GALNTL6: variants seen among roughly 807,000 people sequenced by gnomAD.
GALNTL6 encodes the protein polypeptide N-acetylgalactosaminyltransferase like 6, also known as polypeptide N-acetylgalactosaminyltransferase-like 6.
A neutral mutation model predicts 73.7 loss-of-function variants in GALNTL6; 46 were observed. The observed-to-expected ratio is 0.62, with a 90% CI of 0.49 to 0.80. The LOEUF (loss-of-function observed/expected upper bound fraction) is 0.80, where lower values mean the gene tolerates loss of function less well. GALNTL6 is among the 30% of genes least tolerant of loss of function. GALNTL6 has a pLI of 0.00. For synonymous variants in GALNTL6, 259 were observed against 263.7 expected, an observed-to-expected ratio of 0.98 and a Z score of 0.17; for missense variants, 604 against 755.0, an observed-to-expected ratio of 0.80 and a Z score of 2.34.
At chr4:172,417,572 C>G (rs1730890421) in intron 5 of GALNTL6, among the ~76,000 whole-genome samples, 2 of 151,994 alleles carry the variant, frequency 1.3e-5, no homozygotes, top group Admixed American at 1.3e-4. Flanking sequence ...TTGCTTGAAC[C>G]CAGGAGACAG....
chr4:172,717,372 G>A (rs760928010), intron 5 of GALNTL6, among the ~76,000 whole-genome samples: 1 of 152,108 alleles, frequency 6.6e-6, no homozygotes, highest in Admixed American at 6.6e-5. Flanking sequence ...TTTATTAAAC[G>A]GGACCAAAAG....
At chr4:172,291,314 A>C (rs1739463424) in intron 3 of GALNTL6, among the ~76,000 whole-genome samples, 1 of 152,114 alleles carries the variant, frequency 6.6e-6, no homozygotes, top group African/African-American at 2.4e-5. Flanking sequence ...GGGGATTAAA[A>C]TAAGTGGCAA....
chr4:172,154,700 G>A (rs573715220), intron 2 of GALNTL6, among the ~76,000 whole-genome samples: 98 of 152,224 alleles, frequency 6.4e-4, no homozygotes, highest in African/African-American at 2.3e-3. Context: ...GGCATACTTC[G>A]GTAATACCAA....
intron 2 of GALNTL6, among the ~76,000 whole-genome samples, chr4:171,835,589 CTTT>C (rs1484716052): frequency 6.6e-6 from 1 of 151,894 alleles, no homozygotes; most frequent in South Asian, 2.1e-4. Flanking sequence ...CATTATATTG[CTTT>C]TTTATTATTT....
rs1328988175 is a variant in GALNTL6, at chr4:172,887,803, ATCTGCCTG to A, written c.1041+4897_1041+4904del. Among the ~76,000 whole-genome samples, 5 of 152,180 alleles carry A rather than the reference ATCTGCCTG, an allele frequency of 3.3e-5. No homozygotes were observed. The South Asian group carries it at 1.0e-3, about 32-fold the overall frequency. On this transcript the variant is annotated intron_variant, in intron 8 of 12. Transcript: ENST00000506823. ...AGTTTTGAACTCCTGACCACAGGTG[ATCTGCCTG>A]CCTCGGCCTCCCAAAGTGCTAGGAT...
intron 5 of GALNTL6, among the ~76,000 whole-genome samples, chr4:172,451,777 T>C (rs1277445899): frequency 5.9e-5 from 9 of 152,002 alleles, no homozygotes; most frequent in Non-Finnish European, 2.9e-5. Context: ...AGGCCAAGGC[T>C]GGAGAATTGC....
At chr4:172,879,082 C>T (rs999764009) in intron 7 of GALNTL6, among the ~76,000 whole-genome samples, 1 of 151,630 alleles carries the variant, frequency 6.6e-6, no homozygotes, top group African/African-American at 2.4e-5. Context: ...AACAAAAAAG[C>T]CTGAACATTT....
At chr4:172,158,209 T>A (rs898661070) in intron 2 of GALNTL6, among the ~76,000 whole-genome samples, 2 of 152,202 alleles carry the variant, frequency 1.3e-5, no homozygotes, top group African/African-American at 4.8e-5. Flanking sequence ...TGCTAGGATA[T>A]ATAACTATCA....
chr4:172,195,517 T>C (rs1049924007), intron 2 of GALNTL6, among the ~76,000 whole-genome samples: 4 of 152,118 alleles, frequency 2.6e-5, no homozygotes, highest in African/African-American at 7.2e-5. Context: ...TATTCTAAAA[T>C]TGGCCACATA....
At chr4:172,538,852 T>A (rs1226005228) in intron 5 of GALNTL6, among the ~76,000 whole-genome samples, 1 of 152,090 alleles carries the variant, frequency 6.6e-6, no homozygotes. Context: ...GCCAGAGATA[T>A]CGTTATATGA....
At chr4:172,603,256 A>T (rs1010867216) in intron 5 of GALNTL6, among the ~76,000 whole-genome samples, 1 of 152,214 alleles carries the variant, frequency 6.6e-6, no homozygotes, top group African/African-American at 2.4e-5. Context: ...TTATGTGTAT[A>T]CATAAATACA....
intron 12 of GALNTL6, among the ~76,000 whole-genome samples, chr4:173,027,205 A>AACTCCTGACCTCATGATCCCGC (rs1753268803): frequency 6.6e-6 from 1 of 152,098 alleles, no homozygotes; most frequent in Non-Finnish European, 1.5e-5. Context: ...GCTGGTCTCG[A>AACTCCTGACCTCATGATCCCGC]ACTCCTGACC....
chr4:172,404,573 CTGAACACAAATCT>C lies in GALNTL6; in HGVS notation c.553+55887_553+55899del, dbSNP rs533419640. 3.1e-3 allele frequency among the ~76,000 whole-genome samples: 467 copies of C among 152,106 alleles called. 4 individuals carry two copies. Among genetic ancestry groups the C allele is most frequent in the African/African-American group, 0.01 (428 of 41,534 alleles). ...TGGCTTGAGCTCAATGTAAAATATT[CTGAACACAAATCT>C]TGGCTTTCTTCTTTAATTATAAAAA... On this transcript the variant is annotated intron_variant, in intron 5 of 12. Transcript: ENST00000506823.
chr4:172,607,915 A>G (rs949168708), intron 5 of GALNTL6, among the ~76,000 whole-genome samples: 5 of 152,068 alleles, frequency 3.3e-5, no homozygotes, highest in East Asian at 1.9e-4. Context: ...GTGAGTGTCT[A>G]TGTCTTTCCC....
intron 5 of GALNTL6, among the ~76,000 whole-genome samples, chr4:172,472,289 TGAA>T (rs1236597151): frequency 6.6e-6 from 1 of 152,204 alleles, no homozygotes; most frequent in African/African-American, 2.4e-5. Flanking sequence ...GCAGAAGGCA[TGAA>T]GAAGTTCAAT....
At chr4:172,921,311 T>C (rs574138080) in intron 8 of GALNTL6, among the ~76,000 whole-genome samples, 1 of 152,360 alleles carries the variant, frequency 6.6e-6, no homozygotes, top group East Asian at 1.9e-4. Flanking sequence ...TGCTCCCTTA[T>C]TGTCCTCCTA....
At chr4:172,012,803 G>C (rs1287981608) in intron 2 of GALNTL6, among the ~76,000 whole-genome samples, 1 of 152,046 alleles carries the variant, frequency 6.6e-6, no homozygotes, top group East Asian at 1.9e-4. Flanking sequence ...CTTTGGTAAA[G>C]TATAATTTAC....
intron 2 of GALNTL6, among the ~76,000 whole-genome samples, chr4:171,963,701 C>A (rs552068557): frequency 6.6e-6 from 1 of 152,012 alleles, no homozygotes; most frequent in Non-Finnish European, 1.5e-5. Context: ...TCTTGATAAC[C>A]CAGCTTTAGC....
intron 2 of GALNTL6, among the ~76,000 whole-genome samples, chr4:171,921,618 C>T (rs1317522320): frequency 6.6e-6 from 1 of 151,980 alleles, no homozygotes; most frequent in Admixed American, 6.6e-5. Context: ...AATTTACAGC[C>T]AAAACAAAGC....
Sources: allele counts gnomAD v4.1 joint callset (sites outside exome capture counted in the v4.1 genomes callset), GRCh38; gene constraint gnomAD v4.1.1; transcripts MANE v1.5; gene names NCBI Gene and HGNC (gene_info 2026-07-23, HGNC 2026-07-21).